The following PKP2 variants were observed in gnomAD, a reference collection of about 807,000 sequenced individuals.
PKP2 encodes the protein plakophilin-2.
Under a neutral mutation model 83.4 loss-of-function variants are expected in PKP2, and 73 were observed. The observed-to-expected ratio is 0.88, with a 90% confidence interval of 0.72 to 1.06. The LOEUF (loss-of-function observed/expected upper bound fraction) is 1.06, where lower values mean the gene tolerates loss of function less well. Ranked by LOEUF, PKP2 falls within the 50% of genes least tolerant of loss-of-function variation. PKP2 has a pLI of 0.00. For missense variants in PKP2, 966 were observed against 1,065.4 expected (o/e 0.91, Z 1.30); for synonymous variants, 409 against 430.4 (o/e 0.95, Z 0.62).
At chr12:32,875,076 T>C (rs1956921279) in intron 3 of PKP2, among the ~76,000 whole-genome samples, 1 of 152,190 alleles carries the variant, frequency 6.6e-6, no homozygotes, top group African/African-American at 2.4e-5. Context: ...GTGCCTACTA[T>C]AGGCCTACTT....
At chr12:32,854,659 AAAAG>A (rs1956729265) in intron 4 of PKP2, among the ~76,000 whole-genome samples, 1 of 152,204 alleles carries the variant, frequency 6.6e-6, no homozygotes, top group African/African-American at 2.4e-5. Flanking sequence ...GGAAAAGGAA[AAAAG>A]AAATAGACTA....
At chr12:32,811,583 T>C (rs1020292195) in intron 9 of PKP2, among the ~76,000 whole-genome samples, 2 of 152,236 alleles carry the variant, frequency 1.3e-5, no homozygotes, top group Non-Finnish European at 2.9e-5. Flanking sequence ...CTTTGTTTCA[T>C]GGTCAGCATA....
chr12:32,795,979 C>CT (rs1310437744), intron 11 of PKP2, 130 bp downstream of exon 11: 1 of 836,002 alleles, frequency 1.2e-6, no homozygotes, highest in African/African-American at 1.7e-5. Flanking sequence ...ATGATCTGGC[C>CT]TGGCTTTACA....
intron 10 of PKP2, among the ~76,000 whole-genome samples, chr12:32,800,159 T>A (rs1028713868): frequency 7.9e-5 from 12 of 152,214 alleles, no homozygotes; most frequent in Admixed American, 6.5e-4. Flanking sequence ...TATCAGCAAT[T>A]AACAAATACT....
At position 32,877,962 on chromosome 12, in the gene PKP2, G is replaced by A. The variant is rs368656084; in HGVS notation, c.918C>T (p.Pro306=). The A allele has an allele frequency of 1.2e-4, 192 of 1,614,004 alleles. No homozygotes were observed. Among genetic ancestry groups the A allele is most frequent in the Non-Finnish European group, 1.6e-4 (187 of 1,180,020 alleles). ...HSTRTLREAG[P]SVAVDSSGRR... is the part of the protein sequence containing the mutation. Reference sequence around the variant, plus strand: ...TCCCGCTGGAATCCACGGCGACACTGGGCCCAGCTTCCCTCAGCGTGCGGG... The same window carrying A: ...TCCCGCTGGAATCCACGGCGACACTAGGCCCAGCTTCCCTCAGCGTGCGGG... The change falls in exon 3 of 13, where the codon CCC becomes CCT. Residue 306 remains proline (P), a synonymous_variant. Coordinates refer to ENST00000340811, the MANE Select transcript of PKP2 (RefSeq NM_001005242.3).
chr12:32,884,854 C>T (rs572813932), intron 1 of PKP2, among the ~76,000 whole-genome samples: 22 of 151,674 alleles, frequency 1.5e-4, no homozygotes, highest in East Asian at 3.9e-4. Context: ...CTGATTGACC[C>T]GTCACTGAGG....
chr12:32,801,543 T>A (rs1403853562), intron 10 of PKP2, among the ~76,000 whole-genome samples: 2 of 152,212 alleles, frequency 1.3e-5, no homozygotes, highest in Non-Finnish European at 2.9e-5. Context: ...TACTAAAACA[T>A]AACTGCAGCC....
chr12:32,806,406 A>G (rs1312618419), intron 9 of PKP2, among the ~76,000 whole-genome samples: 2 of 152,138 alleles, frequency 1.3e-5, no homozygotes, highest in Admixed American at 6.6e-5. Context: ...TTATTGGTCT[A>G]CTAAGGGATT....
intron 10 of PKP2, among the ~76,000 whole-genome samples, chr12:32,798,143 G>A (rs1472091585): frequency 2.3e-5 from 3 of 128,384 alleles, no homozygotes; most frequent in Non-Finnish European, 4.7e-5. Flanking sequence ...GGAGTGCAAT[G>A]GCACGATCTC....
chr12:32,885,501 A>G (rs1341957047), intron 1 of PKP2, among the ~76,000 whole-genome samples: 1 of 152,094 alleles, frequency 6.6e-6, no homozygotes, highest in Non-Finnish European at 1.5e-5. Context: ...AACATAAAAT[A>G]CAAACCCTGT....
At chr12:32,896,408 C>T (rs1957123903) in intron 1 of PKP2, 101 bp downstream of exon 1, 1 of 884,054 alleles carries the variant, frequency 1.1e-6, no homozygotes, top group East Asian at 3.0e-5. Context: ...GGGCAGAACA[C>T]GGGGTCCCGC....
chr12:32,836,541 T>C (rs1038618599), intron 6 of PKP2, among the ~76,000 whole-genome samples: 2 of 152,206 alleles, frequency 1.3e-5, no homozygotes, highest in Non-Finnish European at 2.9e-5. Flanking sequence ...TCAAGTCTAG[T>C]AAACGGAGAA....
In PKP2 at chr12:32,878,913, A is replaced by T; in HGVS notation, c.336+7T>A. On this transcript the variant is annotated splice_region_variant and intron_variant, in intron 2 of 12. Transcript: ENST00000340811. ...GATCACTAGGGTTACATTCTTTGAT[A>T]TCCTACCTTTAGCATGTCATAGGTT... is the stretch of plus-strand genomic sequence containing the variant. The T allele has an allele frequency of 7.2e-7, 1 of 1,398,248 alleles. No individual in the cohort carries two copies. Among genetic ancestry groups the T allele is most frequent in the Non-Finnish European group, 1.0e-6 (1 of 984,680 alleles). 86.6% of individuals were successfully genotyped at this position (1,398,248 alleles called of 1,614,324 possible).
rs886648917 is a variant in PKP2 at position 32,878,025 on chromosome 12, A to C, written c.855T>G (p.Ala285=). ...AGCTCTGATGCCAGGAGGACCTGGA[A>C]GCCCTGTTCTGAGTGACGGGCTGCA... The part of the protein sequence containing the change: ...VPLQPVTQNR[A]SRSSWHQSSF... The change falls in exon 3 of 13, where the codon GCT becomes GCG. Residue 285 remains alanine, a synonymous_variant. Coordinates refer to ENST00000340811, the MANE Select transcript of PKP2 (RefSeq NM_001005242.3). The C allele has an allele frequency of 6.2e-7, 1 of 1,614,000 alleles. No individual in the cohort carries two copies. Among genetic ancestry groups the C allele is most frequent in the Non-Finnish European group, 8.5e-7 (1 of 1,180,034 alleles).
intron 5 of PKP2, among the ~76,000 whole-genome samples, chr12:32,849,107 C>T (rs992632801): frequency 6.6e-6 from 1 of 151,672 alleles, no homozygotes; most frequent in Non-Finnish European, 1.5e-5. Context: ...ACCTAGAAAC[C>T]CAAGGTTTCT....
At chr12:32,859,055 G>A (rs1956778051) in intron 4 of PKP2, among the ~76,000 whole-genome samples, 1 of 152,146 alleles carries the variant, frequency 6.6e-6, no homozygotes, top group African/African-American at 2.4e-5. Flanking sequence ...TACCAGTTGA[G>A]TTACATGTTT....
chr12:32,890,382 C>T lies in PKP2; in HGVS notation c.223+6127G>A, dbSNP rs571872081. Among the ~76,000 whole-genome samples, 6 of 152,224 alleles carry T rather than the reference C, an allele frequency of 3.9e-5. 1 individual carries two copies. The highest frequency in any genetic ancestry group is 1.4e-4 in the African/African-American group (6 of 41,554). Reference sequence around the variant, plus strand: ...TTAAGCTTCTAATGAAGGTTTTCATCCACAAATTCTGGAAATCAAGGAATT... The same window carrying T: ...TTAAGCTTCTAATGAAGGTTTTCATTCACAAATTCTGGAAATCAAGGAATT... On this transcript the variant is annotated intron_variant, in intron 1 of 12. Transcript: ENST00000340811.
At chr12:32,827,019 T>C (rs985221797) in intron 6 of PKP2, among the ~76,000 whole-genome samples, 13 of 152,260 alleles carry the variant, frequency 8.5e-5, no homozygotes, top group African/African-American at 2.7e-4. Flanking sequence ...AGCTTCCCTT[T>C]GGCCTTTTCA....
At chr12:32,822,715 T>C in intron 7 of PKP2, 84 bp from the exon 8 acceptor site, 2 of 1,456,264 alleles carry the variant, frequency 1.4e-6, no homozygotes, top group East Asian at 2.3e-5. Context: ...GCTTTAGCTC[T>C]TACAAGGTTT....
Sources: allele counts gnomAD v4.1 joint callset (sites outside exome capture counted in the v4.1 genomes callset), GRCh38; gene constraint gnomAD v4.1.1; transcripts MANE v1.5; gene names NCBI Gene and HGNC (gene_info 2026-07-23, HGNC 2026-07-21).